GRM7: variants seen among roughly 807,000 people sequenced by gnomAD.
GRM7 encodes metabotropic glutamate receptor 7.
GRM7 carries 35 observed loss-of-function variants against 84.5 expected under a neutral mutation model. The ratio of observed to expected loss-of-function variants is 0.41; its 90% confidence interval spans 0.32 to 0.55. GRM7 has a LOEUF of 0.55. GRM7 is among the 20% of genes least tolerant of loss of function. GRM7 has a pLI of 0.19. For synonymous variants in GRM7, 487 were observed against 455.1 expected (o/e 1.07, Z -0.89); for missense variants, 1,003 against 1,194.6 (o/e 0.84, Z 2.36).
At chr3:7,106,419 C>T (rs932840440) in intron 1 of GRM7, among the ~76,000 whole-genome samples, 5 of 151,504 alleles carry the variant, frequency 3.3e-5, no homozygotes, top group Non-Finnish European at 7.4e-5. Flanking sequence ...ATTGTAATCA[C>T]ATGCTGGGTT....
chr3:7,433,488 T>C (rs949655024), intron 5 of GRM7, among the ~76,000 whole-genome samples: 2 of 152,216 alleles, frequency 1.3e-5, no homozygotes, highest in African/African-American at 2.4e-5. Context: ...CCTGTCATTT[T>C]TGTTAGGCCA....
chr3:7,016,691 T>A (rs527401217), intron 1 of GRM7, among the ~76,000 whole-genome samples: 1 of 152,164 alleles, frequency 6.6e-6, no homozygotes, highest in African/African-American at 2.4e-5. Flanking sequence ...ATGGTAGTAA[T>A]AATAAAATAA....
chr3:6,922,590 G>C (rs1246093950), intron 1 of GRM7, among the ~76,000 whole-genome samples: 1 of 152,270 alleles, frequency 6.6e-6, no homozygotes, highest in Middle Eastern at 3.4e-3. Flanking sequence ...GGACATGATA[G>C]ATATGGGAAA....
chr3:7,651,661 A>G (rs1698946445), intron 8 of GRM7, among the ~76,000 whole-genome samples: 1 of 152,196 alleles, frequency 6.6e-6, no homozygotes, highest in Non-Finnish European at 1.5e-5. Flanking sequence ...AAATCTCAAC[A>G]TTTGGTCCAA....
chr3:7,199,009 T>C (rs940780575), intron 2 of GRM7, among the ~76,000 whole-genome samples: 4 of 152,208 alleles, frequency 2.6e-5, no homozygotes, highest in African/African-American at 7.2e-5. Context: ...TAAAGTGGAC[T>C]GTATCTGCAA....
intron 8 of GRM7, among the ~76,000 whole-genome samples, chr3:7,641,764 A>T (rs1698375012): frequency 6.6e-6 from 1 of 152,202 alleles, no homozygotes; most frequent in South Asian, 2.1e-4. Flanking sequence ...TTACAAACAA[A>T]ACAAAAACAG....
At chr3:7,276,952 C>T (rs1193320953) in intron 2 of GRM7, among the ~76,000 whole-genome samples, 2 of 151,948 alleles carry the variant, frequency 1.3e-5, no homozygotes, top group Non-Finnish European at 2.9e-5. Flanking sequence ...ACCTTAGAGT[C>T]AGATACAGCA....
intron 4 of GRM7, among the ~76,000 whole-genome samples, chr3:7,366,350 T>G (rs1290754372): frequency 1.3e-5 from 2 of 151,918 alleles, no homozygotes; most frequent in Non-Finnish European, 2.9e-5. Flanking sequence ...TTAAAGAATG[T>G]TGAATTTTTT....
At chr3:7,678,458 C>A (rs374750506) in intron 8 of GRM7, among the ~76,000 whole-genome samples, 2 of 152,166 alleles carry the variant, frequency 1.3e-5, no homozygotes, top group South Asian at 2.1e-4. Flanking sequence ...ACAGTGGTGA[C>A]AAAAATTGTC....
rs2125007545 is a variant in GRM7, at chr3:7,289,064, C to G, written c.737-9620C>G. Among the ~76,000 whole-genome samples the G allele has an allele frequency of 2.0e-5, 3 of 152,296 alleles. No individual in the cohort carries two copies. In the Middle Eastern group the frequency reaches 0.01, roughly 518 times the overall value. The stretch of plus-strand genomic sequence containing the variant: ...GTAAATACCTGCCATGTTTTAACCT[C>G]ATGAATTGACCTCCTTTTTATTGTC... On this transcript the variant is annotated intron_variant, in intron 2 of 9. Transcript: ENST00000357716.
At chr3:6,866,859 T>A (rs569091998) in intron 1 of GRM7, among the ~76,000 whole-genome samples, 1 of 152,324 alleles carries the variant, frequency 6.6e-6, no homozygotes, top group Admixed American at 6.5e-5. Context: ...TTTGACCTCA[T>A]CCAGGCCAAT....
intron 4 of GRM7, among the ~76,000 whole-genome samples, chr3:7,370,887 G>C (rs565638064): frequency 6.6e-6 from 1 of 152,136 alleles, no homozygotes; most frequent in African/African-American, 2.4e-5. Flanking sequence ...AGATGATTTA[G>C]AACTACTTAA....
At chr3:7,596,457 C>A (rs928088555) in intron 8 of GRM7, among the ~76,000 whole-genome samples, 5 of 151,836 alleles carry the variant, frequency 3.3e-5, no homozygotes, top group Non-Finnish European at 2.9e-5. Flanking sequence ...AATTGTAGAT[C>A]GAAAAGTAAG....
chr3:6,866,283 G>C (rs1025479553), intron 1 of GRM7, among the ~76,000 whole-genome samples: 1 of 151,366 alleles, frequency 6.6e-6, no homozygotes, highest in Non-Finnish European at 1.5e-5. Context: ...GCCATTAACT[G>C]GCTAAGTTAC....
intron 1 of GRM7, among the ~76,000 whole-genome samples, chr3:6,898,460 G>T (rs1046772270): frequency 1.3e-5 from 2 of 150,764 alleles, no homozygotes; most frequent in Non-Finnish European, 2.9e-5. Context: ...AATGTTCTGT[G>T]TGTGACTGAG....
At chr3:7,629,611 A>G (rs1183183751) in intron 8 of GRM7, among the ~76,000 whole-genome samples, 1 of 152,188 alleles carries the variant, frequency 6.6e-6, no homozygotes, top group Non-Finnish European at 1.5e-5. Flanking sequence ...GCTGCCTCAT[A>G]CAAATGGTAT....
At chr3:7,276,973 G>T (rs141939289) in intron 2 of GRM7, among the ~76,000 whole-genome samples, 2 of 151,942 alleles carry the variant, frequency 1.3e-5, no homozygotes, top group African/African-American at 4.8e-5. Context: ...TTGAGGGTTG[G>T]TTGGTTGTTT....
chr3:7,036,984 G>T lies in GRM7; in HGVS notation c.520-109468G>T, dbSNP rs181820207. ...CATAATGAGTGATTAATGGATCAGC[G>T]GTCTGCCTTGAATCTCTGATTTCTC... On this transcript the variant is annotated intron_variant, in intron 1 of 9. Transcript: ENST00000357716. Among the ~76,000 whole-genome samples the T allele has an allele frequency of 1.7e-3, 264 of 152,204 alleles. 1 individual carries two copies. The highest frequency in any genetic ancestry group is 2.1e-3 in the Non-Finnish European group (143 of 68,010).
intron 2 of GRM7, among the ~76,000 whole-genome samples, chr3:7,199,093 T>C (rs1380378243): frequency 6.6e-6 from 1 of 152,190 alleles, no homozygotes; most frequent in Non-Finnish European, 1.5e-5. Flanking sequence ...GAAGTGTCCA[T>C]TGATCCGCTC....
Sources: gnomAD v4.1 joint callset for allele counts (sites outside exome capture counted in the v4.1 genomes callset) on GRCh38, gnomAD v4.1.1 for gene constraint, MANE v1.5 for transcripts, NCBI Gene and HGNC (gene_info 2026-07-23, HGNC 2026-07-21) for gene names.